RBM43: variants seen among roughly 807,000 people sequenced by gnomAD.
RBM43 encodes RNA-binding protein 43.
RBM43 carries 12 observed loss-of-function variants against 12.4 expected under a neutral mutation model. The ratio of observed to expected loss-of-function variants is 0.97; its 90% CI spans 0.62 to 1.57. The LOEUF (loss-of-function observed/expected upper bound fraction) is 1.57, where lower values mean the gene tolerates loss of function less well. Ranked by LOEUF, RBM43 falls within the 40% of genes most tolerant of loss-of-function variation. The pLI is 0.00. For missense variants in RBM43, 348 were observed against 400.1 expected, an observed-to-expected ratio of 0.87 and a Z score of 1.11; for synonymous variants, 138 against 145.7, an observed-to-expected ratio of 0.95 and a Z score of 0.38.
rs1682871525 is a variant in RBM43 at position 151,249,868 on chromosome 2, A to T, written c.*1038T>A. On this transcript the variant is annotated 3_prime_UTR_variant, in exon 4 of 4. Coordinates refer to ENST00000331426, the MANE Select transcript of RBM43 (RefSeq NM_198557.3). ...GTTTCAGTAGCCAGGCTCACAGAGA[A>T]TTACATTCTTGGAGCAATATTATGT... The T allele has an allele frequency of 6.6e-6, 1 of 152,220 alleles. No homozygotes were observed. 9.4% of individuals were successfully genotyped at this position (152,220 alleles called of 1,614,324 possible).
intron 3 of RBM43, among the ~76,000 whole-genome samples, chr2:151,252,523 T>A (rs546071440): frequency 6.6e-6 from 1 of 152,128 alleles, no homozygotes; most frequent in Admixed American, 6.6e-5. Context: ...TCAAAAAATA[T>A]ACACTTTGTA....
At chr2:151,253,640 G>T (rs1682935309) in intron 2 of RBM43, among the ~76,000 whole-genome samples, 1 of 152,150 alleles carries the variant, frequency 6.6e-6, no homozygotes, top group Non-Finnish European at 1.5e-5. Context: ...CAGCTGCTAG[G>T]TTGCTCATTT....
At position 151,250,473 on chromosome 2, in the gene RBM43, C is replaced by G. The variant is rs1682881983; in HGVS notation, c.*433G>C. On this transcript the variant is annotated 3_prime_UTR_variant, in exon 4 of 4. Transcript: ENST00000331426. ...GATTAGCCGGGCGTGGTGGTGGGCA[C>G]CTGTAGTCCCAGCTACTCCAGAGGT... is the stretch of plus-strand genomic sequence containing the variant. 6.5e-6 allele frequency: 1 copy of G among 152,878 alleles called. No homozygotes were observed. Among genetic ancestry groups the G allele is most frequent in the South Asian group, 2.1e-4 (1 of 4,836 alleles). The allele number at this position is 152,878 out of a possible 1,614,324, so 9.5% of individuals were successfully genotyped here. A position where few individuals can be genotyped will look rare whatever the true frequency, so the allele number is the denominator to read the frequency against.
intron 2 of RBM43, among the ~76,000 whole-genome samples, 198 bp downstream of exon 2, chr2:151,255,335 T>G (rs914505016): frequency 2.0e-5 from 3 of 152,020 alleles, no homozygotes; most frequent in African/African-American, 7.3e-5. Flanking sequence ...GGAGAATCAC[T>G]TGAACCTGGG....
At chr2:151,261,680 C>T in intron 1 of RBM43, 45 bp downstream of exon 1, 1 of 1,584,120 alleles carries the variant, frequency 6.3e-7, no homozygotes, top group African/African-American at 1.3e-5. Flanking sequence ...GGCGACGGTA[C>T]AGGCACGGAC....
intron 2 of RBM43, among the ~76,000 whole-genome samples, chr2:151,254,967 A>G (rs1345848553): frequency 6.6e-6 from 1 of 152,138 alleles, no homozygotes; most frequent in Non-Finnish European, 1.5e-5. Context: ...AAAATGTAAC[A>G]CTTTCACCCC....
intron 1 of RBM43, chr2:151,261,337 G>A: frequency 6.4e-7 from 1 of 1,550,624 alleles, no homozygotes; most frequent in Non-Finnish European, 8.7e-7. Flanking sequence ...CCCCCGAGGC[G>A]TGGGAGGACA....
intron 2 of RBM43, among the ~76,000 whole-genome samples, chr2:151,254,144 T>C (rs1370234839): frequency 6.6e-6 from 1 of 151,656 alleles, no homozygotes; most frequent in African/African-American, 2.4e-5. Context: ...ATAGATTCAT[T>C]TGTTTAAAAT....
intron 1 of RBM43, among the ~76,000 whole-genome samples, chr2:151,259,937 C>A (rs1353994844): frequency 6.6e-6 from 1 of 151,928 alleles, no homozygotes; most frequent in Non-Finnish European, 1.5e-5. Context: ...GCGATCTTGG[C>A]TCACTGCAAC....
At chr2:151,258,542 A>G (rs1683004629) in intron 1 of RBM43, among the ~76,000 whole-genome samples, 1 of 151,780 alleles carries the variant, frequency 6.6e-6, no homozygotes, top group Non-Finnish European at 1.5e-5. Context: ...TCAAAAACAG[A>G]AAAAATTAGC....
chr2:151,252,192 C>T (rs1573732754), intron 3 of RBM43, among the ~76,000 whole-genome samples: 2 of 152,248 alleles, frequency 1.3e-5, no homozygotes, highest in Admixed American at 1.3e-4. Flanking sequence ...TACCTGGCAT[C>T]ATCCATGACA....
chr2:151,261,397 G>A (rs1205519288), intron 1 of RBM43: 1 of 1,550,492 alleles, frequency 6.4e-7, no homozygotes, highest in African/African-American at 1.4e-5. Flanking sequence ...GAACGGCGGC[G>A]TCCCCGTCGC....
chr2:151,257,017 T>C (rs969655449), intron 1 of RBM43, among the ~76,000 whole-genome samples: 2 of 152,170 alleles, frequency 1.3e-5, no homozygotes, highest in African/African-American at 4.8e-5. Flanking sequence ...TGAACTTATA[T>C]TATCCAGTTA....
At chr2:151,252,463 G>C (rs1682914354) in intron 3 of RBM43, among the ~76,000 whole-genome samples, 1 of 152,160 alleles carries the variant, frequency 6.6e-6, no homozygotes, top group South Asian at 2.1e-4. Context: ...GCAGAGTTTA[G>C]AGTGAGCCAA....
chr2:151,252,566 T>C (rs904672874), intron 3 of RBM43, among the ~76,000 whole-genome samples, 189 bp downstream of exon 3: 2 of 152,132 alleles, frequency 1.3e-5, no homozygotes, highest in Admixed American at 1.3e-4. Context: ...CATAGAAAGA[T>C]AAAAATAGAT....
At chr2:151,251,891 G>T (rs4665120) in intron 3 of RBM43, among the ~76,000 whole-genome samples, 118,250 of 152,096 alleles carry the variant, frequency 0.78, 47,449 homozygotes, top group East Asian at 0.89. Flanking sequence ...AAAACAGACA[G>T]GCTCAAATAA....
chr2:151,255,471 G>T, intron 2 of RBM43, 62 bp downstream of exon 2: 5 of 1,110,312 alleles, frequency 4.5e-6, no homozygotes, highest in African/African-American at 1.6e-5. Flanking sequence ...TTAATAAAAT[G>T]TAATTTTTAA....
chr2:151,261,544 C>T, intron 1 of RBM43, 181 bp downstream of exon 1: 1 of 1,545,312 alleles, frequency 6.5e-7, no homozygotes, highest in Non-Finnish European at 8.7e-7. Context: ...CCTGAGTTTG[C>T]CCGCCGGGGT....
Position 151,255,691 on chromosome 2 carries a change from A to C in RBM43, c.56T>G (p.Val19Gly). The C allele has an allele frequency of 6.2e-7, 1 of 1,614,038 alleles. No homozygotes were observed. The highest frequency in any genetic ancestry group is 8.5e-7 in the Non-Finnish European group (1 of 1,179,982). ...AAAAAGGTCAACTGGAAGACCAGCA[A>C]CTACAACCGTTCTTTCAGGAGCTTT... ...ESKAPERTVV[V>G]AGLPVDLFSD... Residue 19 changes from valine (V) to glycine (G), a missense_variant, in exon 2 of 4, where the codon GTT becomes GGT. Transcript: ENST00000331426.
Sources: allele counts gnomAD v4.1 joint callset (sites outside exome capture counted in the v4.1 genomes callset), GRCh38; gene constraint gnomAD v4.1.1; transcripts MANE v1.5; gene names NCBI Gene and HGNC (gene_info 2026-07-23, HGNC 2026-07-21).